LEO1: variants seen among roughly 807,000 people sequenced by gnomAD.
The protein encoded by LEO1 is RNA polymerase-associated protein LEO1.
LEO1 carries 34 observed loss-of-function variants against 80.4 expected under a neutral mutation model. That is an observed-to-expected ratio of 0.42 (90% confidence interval 0.32 to 0.56). The LOEUF (loss-of-function observed/expected upper bound fraction) is 0.56. Among genes scored for constraint, LEO1 ranks in the 20% least tolerant of loss-of-function variants. LEO1 has a pLI of 0.10. For synonymous variants in LEO1, 262 were observed against 274.9 expected, an observed-to-expected ratio of 0.95 and a Z score of 0.46; for missense variants, 631 against 814.2, an observed-to-expected ratio of 0.77 and a Z score of 2.74.
At chr15:51,941,635 T>C (rs1409013111) in intron 11 of LEO1, among the ~76,000 whole-genome samples, 1 of 152,236 alleles carries the variant, frequency 6.6e-6, no homozygotes, top group Non-Finnish European at 1.5e-5. Flanking sequence ...TTTCTCCCCC[T>C]ACCTATTTAT....
chr15:51,939,418 A>G (rs2141733626), intron 11 of LEO1, among the ~76,000 whole-genome samples: 1 of 152,250 alleles, frequency 6.6e-6, no homozygotes, highest in Middle Eastern at 3.4e-3. Flanking sequence ...ACATTCCCAC[A>G]GACCTGAAAG....
intron 7 of LEO1, among the ~76,000 whole-genome samples, chr15:51,954,223 CT>C (rs75902868): frequency 6.5e-4 from 93 of 142,580 alleles, no homozygotes; most frequent in Non-Finnish European, 6.2e-4. Flanking sequence ...GTGCCTGGCT[CT>C]TTTTTTTTTT....
chr15:51,958,920 C>A (rs2057009545), intron 5 of LEO1, 94 bp from the exon 6 acceptor site: 4 of 552,666 alleles, frequency 7.2e-6, no homozygotes, highest in Admixed American at 3.5e-5. Flanking sequence ...ACCATTATAT[C>A]AAAAAATCAT....
intron 1 of LEO1, among the ~76,000 whole-genome samples, chr15:51,967,831 A>G (rs2057090213): frequency 6.6e-6 from 1 of 152,250 alleles, no homozygotes; most frequent in South Asian, 2.1e-4. Context: ...ATGGAAGACA[A>G]AAGAAAACAT....
At chr15:51,963,096 G>A (rs1386654465) in intron 2 of LEO1, among the ~76,000 whole-genome samples, 3 of 152,082 alleles carry the variant, frequency 2.0e-5, no homozygotes, top group Non-Finnish European at 4.4e-5. Flanking sequence ...GGCCAACATG[G>A]TGAAACCCAT....
At chr15:51,948,831 C>T (rs771098089) in intron 10 of LEO1, among the ~76,000 whole-genome samples, 13 of 152,194 alleles carry the variant, frequency 8.5e-5, no homozygotes, top group Non-Finnish European at 1.8e-4. Flanking sequence ...TTCACCATGT[C>T]GTCTTGCTAC....
chr15:51,942,608 C>T (rs2056862430), intron 11 of LEO1, among the ~76,000 whole-genome samples: 1 of 152,140 alleles, frequency 6.6e-6, no homozygotes, highest in Admixed American at 6.5e-5. Context: ...TAATTTAAAA[C>T]AAATACGTTG....
chr15:51,957,897 T>TGTA (rs1354627584), intron 6 of LEO1, among the ~76,000 whole-genome samples: 1 of 151,868 alleles, frequency 6.6e-6, no homozygotes, highest in Non-Finnish European at 1.5e-5. Flanking sequence ...GGTGCATGCC[T>TGTA]GTAGTCTCAG....
At chr15:51,965,332 C>A (rs183374512) in intron 2 of LEO1, among the ~76,000 whole-genome samples, 1 of 152,302 alleles carries the variant, frequency 6.6e-6, no homozygotes, top group East Asian at 1.9e-4. Flanking sequence ...ATGGTGCCCA[C>A]ATCTCAGTAC....
chr15:51,938,428 C>G (rs972978183), intron 11 of LEO1, among the ~76,000 whole-genome samples, 168 bp from the exon 12 acceptor site: 2 of 152,224 alleles, frequency 1.3e-5, no homozygotes, highest in African/African-American at 4.8e-5. Context: ...TAATCTCTCA[C>G]AGGGAAACCT....
Position 51,954,569 on chromosome 15 carries a change from T to G in LEO1, c.1252A>C (p.Asn418His). The G allele has an allele frequency of 6.2e-7, 1 of 1,600,536 alleles. No homozygotes were observed. Among genetic ancestry groups the G allele is most frequent in the Non-Finnish European group, 8.6e-7 (1 of 1,167,898 alleles). Reference protein sequence around the residue: ...GRTRLKLKVENTIRWRIRRDE... With the variant: ...GRTRLKLKVEHTIRWRIRRDE... ...CGGCGTATCCTCCATCTTATAGTAT[T>G]TTCTACCTGTTTCACAACACAAGTA... Residue 418 changes from asparagine to histidine, a missense_variant, in exon 7 of 12, where the codon AAT becomes CAT. Asn to His is a moderately conservative substitution (Grantham distance 68). Around this residue, in one of 4 missense-constraint regions of LEO1, gnomAD observed 95 missense variants for 171.7 expected, o/e 0.55. Transcript: ENST00000299601.
At chr15:51,964,698 G>T (rs2057061086) in intron 2 of LEO1, among the ~76,000 whole-genome samples, 2 of 152,110 alleles carry the variant, frequency 1.3e-5, no homozygotes, top group Non-Finnish European at 2.9e-5. Flanking sequence ...GTCCTGTGAG[G>T]TGTGTGTTAG....
intron 4 of LEO1, 98 bp from the exon 5 acceptor site, chr15:51,960,142 T>C (rs1351627752): frequency 1.0e-6 from 1 of 964,996 alleles, no homozygotes; most frequent in Non-Finnish European, 1.5e-6. Flanking sequence ...AGAAACATAA[T>C]TAGATATCAC....
rs1373321721 is a variant in LEO1 at position 51,946,698 on chromosome 15, A to C, written c.1896+594T>G. ...TGAGACTACAGGCACACACCACTACATCCAGCTAATTTTTGTATTTTTTTG... is the reference window on the plus strand; with the variant it reads ...TGAGACTACAGGCACACACCACTACCTCCAGCTAATTTTTGTATTTTTTTG... On this transcript the variant is annotated intron_variant, in intron 11 of 11. Transcript: ENST00000299601. 2.6e-5 allele frequency among the ~76,000 whole-genome samples: 4 copies of C among 151,770 alleles called. No homozygotes were observed. The East Asian group carries it at 7.7e-4, about 29-fold the overall frequency.
chr15:51,949,866 TTCC>T lies in LEO1; in HGVS notation c.1737_1739del (p.Glu580del). 1.2e-6 allele frequency: 2 copies of T among 1,614,036 alleles called. No homozygotes were observed. The highest frequency in any genetic ancestry group is 1.7e-6 in the Non-Finnish European group (2 of 1,180,008). Reference sequence around the variant, plus strand: ...CAGCCAAGCTGATGGACTCCTCGCCTTCCTCCTCCTCATCGTATCGATCAGGTT... The same window carrying T: ...CAGCCAAGCTGATGGACTCCTCGCCTTCCTCCTCATCGTATCGATCAGGTT... On this transcript the variant is annotated inframe_deletion, in exon 10 of 12. Transcript: ENST00000299601.
At position 51,966,271 on chromosome 15, in the gene LEO1, C is replaced by A; in HGVS notation, c.292G>T (p.Asp98Tyr). The part of the protein sequence containing the change: ...SEASERSDHE[D>Y]NDPSDVDQHS... ...TGATCTACATCTGAGGGGTCATTGTCCTCATGGTCAGAACGCTCAGAAGCT... is the reference window on the plus strand; with the variant it reads ...TGATCTACATCTGAGGGGTCATTGTACTCATGGTCAGAACGCTCAGAAGCT... The change falls in exon 2 of 12, where the codon GAC becomes TAC. Residue 98 changes from aspartate (D) to tyrosine (Y), a missense_variant. Transcript: ENST00000299601. 6.2e-7 allele frequency: 1 copy of A among 1,614,076 alleles called. No homozygotes were observed. The highest frequency in any genetic ancestry group is 1.1e-5 in the South Asian group (1 of 91,082).
chr15:51,941,440 AAG>A (rs1170125818), intron 11 of LEO1, among the ~76,000 whole-genome samples: 2 of 152,190 alleles, frequency 1.3e-5, no homozygotes, highest in Non-Finnish European at 2.9e-5. Context: ...GAGCTGGAGA[AAG>A]AGACACAGAG....
At position 51,947,298 on chromosome 15, in the gene LEO1, A is replaced by G. The variant is rs138808664; in HGVS notation, c.1890T>C (p.Ser630=). ...QRLLKAKKLT[S]DEEGEPSGKR... Reference sequence around the variant, plus strand: ...TGAATAAATTTGGTCTTACCTCATCACTGGTAAGTTTCTTTGCTTTGAGTA... The same window carrying G: ...TGAATAAATTTGGTCTTACCTCATCGCTGGTAAGTTTCTTTGCTTTGAGTA... Residue 630 remains serine (S), a synonymous_variant, in exon 11 of 12, where the codon AGT becomes AGC. Coordinates refer to ENST00000299601, the MANE Select transcript of LEO1 (RefSeq NM_138792.4). 9 of 1,606,382 alleles carry G rather than the reference A, an allele frequency of 5.6e-6. No individual in the cohort carries two copies. The highest frequency in any genetic ancestry group is 7.7e-6 in the Non-Finnish European group (9 of 1,173,032).
At chr15:51,939,347 G>A (rs568030345) in intron 11 of LEO1, among the ~76,000 whole-genome samples, 2 of 152,104 alleles carry the variant, frequency 1.3e-5, no homozygotes, top group Non-Finnish European at 2.9e-5. Context: ...GGTTCTCATG[G>A]CTGGCCCTCT....
Sources: gnomAD v4.1 joint callset for allele counts (sites outside exome capture counted in the v4.1 genomes callset) on GRCh38, gnomAD v4.1.1 for gene constraint, gnomAD v4.1.1 regional missense constraint, MANE v1.5 for transcripts, NCBI Gene and HGNC (gene_info 2026-07-23, HGNC 2026-07-21) for gene names.